The following MAP4K3 variants were observed in gnomAD, a reference collection of about 807,000 sequenced individuals.
The protein encoded by MAP4K3 is mitogen-activated protein kinase kinase kinase kinase 3.
In MAP4K3, 94 loss-of-function variants were observed where a neutral mutation model predicts 143.5. The observed-to-expected ratio is 0.65, with a 90% CI of 0.55 to 0.78. The LOEUF (loss-of-function observed/expected upper bound fraction) is 0.78, where lower values mean the gene tolerates loss of function less well. Among genes scored for constraint, MAP4K3 ranks in the 30% least tolerant of loss-of-function variants. The probability of loss-of-function intolerance (pLI) is 0.00; values close to 1 mark genes in which losing one functional copy is unlikely to be tolerated. For missense variants in MAP4K3, 1,077 were observed against 1,068.1 expected (o/e 1.01, Z -0.12); for synonymous variants, 416 against 347.2 (o/e 1.20, Z -2.20).
chr2:39,391,844 C>T (rs1360996501), intron 1 of MAP4K3, among the ~76,000 whole-genome samples: 3 of 151,960 alleles, frequency 2.0e-5, no homozygotes, highest in Non-Finnish European at 4.4e-5. Context: ...AGGAGATGCT[C>T]GTAATCTCGC....
chr2:39,276,584 G>A (rs1275384548), intron 24 of MAP4K3, among the ~76,000 whole-genome samples: 1 of 152,174 alleles, frequency 6.6e-6, no homozygotes, highest in Non-Finnish European at 1.5e-5. Context: ...TCCTTTCGGT[G>A]CTTTAGTTTT....
intron 3 of MAP4K3, among the ~76,000 whole-genome samples, chr2:39,348,994 C>T (rs1202498534): frequency 3.3e-5 from 5 of 152,158 alleles, no homozygotes; most frequent in Non-Finnish European, 7.3e-5. Flanking sequence ...ACCAAGACTA[C>T]TGAGGATCAG....
At chr2:39,292,666 T>C (rs1281382952) in intron 18 of MAP4K3, 107 bp downstream of exon 18, 6 of 862,420 alleles carry the variant, frequency 7.0e-6, no homozygotes, top group Non-Finnish European at 1.2e-5. Context: ...CAACCCATGA[T>C]ATTGTGTTAC....
chr2:39,383,978 G>C (rs1666419986), intron 1 of MAP4K3, among the ~76,000 whole-genome samples: 1 of 151,964 alleles, frequency 6.6e-6, no homozygotes, highest in Non-Finnish European at 1.5e-5. Context: ...GGTCTTGGTA[G>C]CATGTGCCTA....
At chr2:39,272,010 T>G (rs1681046341) in intron 26 of MAP4K3, 1 of 267,034 alleles carries the variant, frequency 3.7e-6, no homozygotes, top group Admixed American at 4.9e-5. Flanking sequence ...CAATGTAAAA[T>G]TATGGCAAAG....
chr2:39,251,019 C>G (rs145819279), intron 33 of MAP4K3, among the ~76,000 whole-genome samples: 1 of 152,266 alleles, frequency 6.6e-6, no homozygotes, highest in South Asian at 2.1e-4. Flanking sequence ...AGTTCAAGAA[C>G]CAGAAGCTAA....
At chr2:39,363,246 A>C (rs1354268997) in intron 2 of MAP4K3, among the ~76,000 whole-genome samples, 2 of 152,238 alleles carry the variant, frequency 1.3e-5, no homozygotes, top group African/African-American at 2.4e-5. Flanking sequence ...GCACAGCACA[A>C]GAAACAGAAT....
chr2:39,348,724 G>T (rs927772497), intron 3 of MAP4K3, among the ~76,000 whole-genome samples: 3 of 151,934 alleles, frequency 2.0e-5, no homozygotes, highest in Admixed American at 2.0e-4. Flanking sequence ...TTCTCATTTT[G>T]TAAAATTATT....
Position 39,272,280 on chromosome 2 carries a change from T to C in MAP4K3, c.1973+3A>G, listed in dbSNP as rs768534440. 3.1e-6 allele frequency: 5 copies of C among 1,595,624 alleles called. No homozygotes were observed. The East Asian group carries it at 6.7e-5, about 21-fold the overall frequency. Reference sequence around the variant, plus strand: ...CATATTGCCTCTAAGGATGTACCCTTACCTTGGCAGTATTCTGTCAGGGAG... The same window carrying C: ...CATATTGCCTCTAAGGATGTACCCTCACCTTGGCAGTATTCTGTCAGGGAG... On this transcript the variant is annotated splice_donor_region_variant and intron_variant, in intron 26 of 33. Coordinates refer to ENST00000263881, the MANE Select transcript of MAP4K3 (RefSeq NM_003618.4).
rs573591740 is a variant in MAP4K3, at chr2:39,340,538, G to A, written c.310+2850C>T. On this transcript the variant is annotated intron_variant, in intron 4 of 33. Transcript: ENST00000263881. ...CTTTGTTACTTTTACCAGTTAGGTT[G>A]AAATGGAATGGTAAGAATCATGACA... Among the ~76,000 whole-genome samples the A allele has an allele frequency of 4.6e-5, 7 of 152,290 alleles. No homozygotes were observed. The South Asian group carries it at 1.0e-3, about 23-fold the overall frequency.
At chr2:39,375,906 T>C (rs1666205230) in intron 2 of MAP4K3, among the ~76,000 whole-genome samples, 1 of 152,226 alleles carries the variant, frequency 6.6e-6, no homozygotes, top group African/African-American at 2.4e-5. Context: ...CAGCATGCTA[T>C]CAGCAACTTG....
intron 1 of MAP4K3, among the ~76,000 whole-genome samples, chr2:39,379,172 A>T (rs1666296917): frequency 6.6e-6 from 1 of 152,110 alleles, no homozygotes; most frequent in Non-Finnish European, 1.5e-5. Context: ...TGGTAACACC[A>T]TTAACAGTGG....
intron 2 of MAP4K3, among the ~76,000 whole-genome samples, chr2:39,369,205 G>GTTTTTTTTTT (rs68013609): frequency 8.0e-6 from 1 of 125,380 alleles, no homozygotes. Context: ...TTTTTTTTTT[G>GTTTTTTTTTT]TTTTTTTTGA....
intron 3 of MAP4K3, among the ~76,000 whole-genome samples, chr2:39,348,989 GACT>G: frequency 6.6e-6 from 1 of 152,068 alleles, no homozygotes; most frequent in Admixed American, 6.6e-5. Context: ...ATGTGACCAA[GACT>G]ACTGAGGATC....
intron 1 of MAP4K3, among the ~76,000 whole-genome samples, chr2:39,393,600 G>T (rs1480341426): frequency 1.3e-5 from 2 of 152,066 alleles, no homozygotes; most frequent in African/African-American, 4.8e-5. Flanking sequence ...TTTAGTATAT[G>T]TGCTCCCAAA....
In MAP4K3 at chr2:39,343,339, T is replaced by C. The variant is rs576992839; in HGVS notation, c.310+49A>G. The stretch of plus-strand genomic sequence containing the variant: ...TGTTTTAATATAGTAAATAGCTGTA[T>C]TTTAAGAAATTCAACCTAACCCCTA... On this transcript the variant is annotated intron_variant, in intron 4 of 33. Coordinates refer to ENST00000263881, the MANE Select transcript of MAP4K3 (RefSeq NM_003618.4). 21 of 1,267,738 alleles carry C rather than the reference T, an allele frequency of 1.7e-5. No homozygotes were observed. In the African/African-American group the frequency reaches 2.4e-4, roughly 14 times the overall value. 78.5% of individuals were successfully genotyped at this position (1,267,738 alleles called of 1,614,324 possible). A position where few individuals can be genotyped will look rare whatever the true frequency, so the allele number is the denominator to read the frequency against.
Position 39,389,378 on chromosome 2 carries a change from T to C in MAP4K3, c.97-11255A>G, listed in dbSNP as rs1266800972. 6.4e-4 allele frequency among the ~76,000 whole-genome samples: 98 copies of C among 152,112 alleles called. 1 individual carries two copies. The highest frequency in any genetic ancestry group is 7.4e-5 in the Non-Finnish European group (5 of 67,982). On this transcript the variant is annotated intron_variant, in intron 1 of 33. Coordinates refer to ENST00000263881, the MANE Select transcript of MAP4K3 (RefSeq NM_003618.4). ...CAAGGAAGGAAGAGAGAACCAATAT[T>C]TCAAGACACCATGGCTGAAATTTTT... is the stretch of plus-strand genomic sequence containing the variant.
chr2:39,384,486 C>T (rs1666440536), intron 1 of MAP4K3, among the ~76,000 whole-genome samples: 1 of 152,252 alleles, frequency 6.6e-6, no homozygotes, highest in Non-Finnish European at 1.5e-5. Context: ...GCGGAAGTTG[C>T]AGTGAGCTGA....
chr2:39,333,570 G>C lies in MAP4K3; in HGVS notation c.419C>G (p.Ala140Gly), dbSNP rs762231524. The change falls in exon 7 of 34, where the codon GCT becomes GGT. Residue 140 changes from alanine (A) to glycine (G), a missense_variant. Around this residue, in one of 2 missense-constraint regions of MAP4K3, gnomAD observed 213 missense variants for 266.8 expected, o/e 0.80. Transcript: ENST00000263881. ...KGKMHRDIKG[A>G]NILLTDNGHV... is the part of the protein sequence containing the mutation. ...ACCATTATCCGTTAATAGAATGTTAGCTCCCTTCAAAGTAACAATATTTTA... is the reference window on the plus strand; with the variant it reads ...ACCATTATCCGTTAATAGAATGTTACCTCCCTTCAAAGTAACAATATTTTA... The C allele has an allele frequency of 7.5e-6, 12 of 1,598,914 alleles. No individual in the cohort carries two copies. Among genetic ancestry groups the C allele is most frequent in the Non-Finnish European group, 9.4e-6 (11 of 1,167,868 alleles).
Sources: gnomAD v4.1 joint callset for allele counts (sites outside exome capture counted in the v4.1 genomes callset) on GRCh38, gnomAD v4.1.1 for gene constraint, gnomAD v4.1.1 regional missense constraint, MANE v1.5 for transcripts, NCBI Gene and HGNC (gene_info 2026-07-23, HGNC 2026-07-21) for gene names.